LMNA: variants seen among roughly 807,000 people sequenced by gnomAD.
The protein encoded by LMNA is lamin.
In LMNA, 20 loss-of-function variants were observed where a neutral mutation model predicts 70.4. The observed-to-expected ratio is 0.28, with a 90% CI of 0.20 to 0.41. The LOEUF (loss-of-function observed/expected upper bound fraction) is 0.41, where lower values mean the gene tolerates loss of function less well. LMNA is among the 10% of genes least tolerant of loss of function. The pLI, the probability that LMNA is intolerant of heterozygous loss-of-function variation, is 1.00. For missense variants in LMNA, 652 were observed against 917.2 expected, an observed-to-expected ratio of 0.71 and a Z score of 3.73; for synonymous variants, 339 against 372.8, an observed-to-expected ratio of 0.91 and a Z score of 1.04.
chr1:156,135,135 G>A lies in LMNA; in HGVS notation c.811-52G>A. On this transcript the variant is annotated intron_variant, in intron 4 of 11. Coordinates refer to ENST00000368300, the MANE Select transcript of LMNA (RefSeq NM_170707.4). The surrounding 1 kb of genome is among the most constrained non-coding windows in gnomAD (Gnocchi z 4.8). The stretch of plus-strand genomic sequence containing the variant: ...GCAGTGATGCCCAACTCAGGCCTGT[G>A]CCTCCACCCCTCCCAGTCACCACAG... 1.2e-6 allele frequency: 2 copies of A among 1,613,652 alleles called. No homozygotes were observed. The highest frequency in any genetic ancestry group is 2.2e-5 in the East Asian group (1 of 44,890).
At chr1:156,109,990 G>A (rs2102809178), upstream of LMNA, among the ~76,000 whole-genome samples, 1 of 152,012 alleles carries the variant, frequency 6.6e-6, no homozygotes, top group Non-Finnish European at 1.5e-5. Context: ...TGGGACTAGA[G>A]GCATGTGCCA....
chr1:156,096,050 T>C (rs1648925403), intron 3 of LMNA, among the ~76,000 whole-genome samples: 1 of 152,210 alleles, frequency 6.6e-6, no homozygotes, highest in South Asian at 2.1e-4. Context: ...GAGTCTAGTC[T>C]CAGCTTTTAT....
chr1:156,138,574 C>T lies in LMNA; in HGVS notation c.1785C>T (p.Ala595=), dbSNP rs748139390. The T allele has an allele frequency of 1.1e-5, 17 of 1,612,680 alleles. No individual in the cohort carries two copies. The highest frequency in any genetic ancestry group is 1.6e-4 in the Middle Eastern group (1 of 6,062). Residue 595 remains alanine (A), a synonymous_variant, in exon 11 of 12, where the codon GCC becomes GCT. Coordinates refer to ENST00000368300, the MANE Select transcript of LMNA (RefSeq NM_170707.4). This position sits in a 1 kb window ranked among gnomAD's most constrained non-coding sequence, Gnocchi z 5.5. ...TGTGCGGGACCTGCGGGCAGCCTGC[C>T]GACAAGGCATCTGCCAGCGGCTCAG... ...TVLCGTCGQP[A]DKASASGSGA...
intron 1 of LMNA, among the ~76,000 whole-genome samples, chr1:156,116,987 C>T (rs1202861649): frequency 4.6e-5 from 7 of 151,880 alleles, no homozygotes; most frequent in Non-Finnish European, 8.8e-5. Context: ...GATCTTGGCT[C>T]ACCACAACCT....
chr1:156,120,082 C>T (rs501791), intron 1 of LMNA, among the ~76,000 whole-genome samples: 22,762 of 152,152 alleles, frequency 0.15, 3,714 homozygotes, highest in African/African-American at 0.41. Flanking sequence ...AGAAGCGCTA[C>T]TTCCACTCCA....
At chr1:156,126,990 TTCCCACCCTTCCCAGCTCCTCTGGCCTG>T in intron 1 of LMNA, 1 of 1,386,506 alleles carries the variant, frequency 7.2e-7, no homozygotes, top group Non-Finnish European at 9.7e-7. Context: ...GGGGCCCAGG[TTCCCACCCTTCCCAGCTCCTCTGGCCTG>T]CCCCACCCTG....
chr1:156,117,079 A>AT (rs150049994), intron 1 of LMNA, among the ~76,000 whole-genome samples: 5,339 of 112,530 alleles, frequency 0.047, 165 homozygotes, highest in African/African-American at 0.1. Flanking sequence ...ACACATGGCT[A>AT]TTTTTTTTTT....
chr1:156,109,988 G>C (rs964144144), upstream of LMNA, among the ~76,000 whole-genome samples: 6 of 151,834 alleles, frequency 4.0e-5, no homozygotes, highest in Admixed American at 1.3e-4. Context: ...GCTGGGACTA[G>C]AGGCATGTGC....
upstream of LMNA, among the ~76,000 whole-genome samples, chr1:156,109,951 G>A (rs1041145073): frequency 1.3e-5 from 2 of 151,824 alleles, no homozygotes; most frequent in African/African-American, 4.8e-5. Context: ...AAGCTCAGGT[G>A]ATCCTCCCAT....
At chr1:156,116,948 C>CT (rs1649865587) in intron 1 of LMNA, among the ~76,000 whole-genome samples, 1 of 151,700 alleles carries the variant, frequency 6.6e-6, no homozygotes, top group Non-Finnish European at 1.5e-5. Context: ...GGGTCTTACT[C>CT]TGTCACCCAG....
intron 3 of LMNA, among the ~76,000 whole-genome samples, chr1:156,097,502 C>T (rs1345010732): frequency 6.6e-6 from 1 of 152,248 alleles, no homozygotes; most frequent in Non-Finnish European, 1.5e-5. Flanking sequence ...CACAACAGTC[C>T]TATGGAATTA....
chr1:156,086,565 G>C (rs1648484932), intron 2 of LMNA, among the ~76,000 whole-genome samples: 1 of 152,222 alleles, frequency 6.6e-6, no homozygotes, highest in South Asian at 2.1e-4. Context: ...CAGGATTCTT[G>C]TGGAGGTTGG....
Position 156,101,032 on chromosome 1 carries a change from T to G in LMNA, c.-207+10450T>G, listed in dbSNP as rs1649122300. Among the ~76,000 whole-genome samples the G allele has an allele frequency of 2.0e-5, 3 of 151,188 alleles. No individual in the cohort carries two copies. The South Asian group carries it at 6.3e-4, about 32-fold the overall frequency. On this transcript the variant is annotated intron_variant, in intron 3 of 12. Coordinates refer to the LMNA transcript ENST00000368301. Reference sequence around the variant, plus strand: ...ATTAGTCAGAAAGCAATGAGAGAGGTTGAGATTGCTGGAATTTAGATAAGG... The same window carrying G: ...ATTAGTCAGAAAGCAATGAGAGAGGGTGAGATTGCTGGAATTTAGATAAGG...
chr1:156,101,106 T>A (rs573914632), intron 3 of LMNA, among the ~76,000 whole-genome samples: 87 of 152,192 alleles, frequency 5.7e-4, no homozygotes, highest in Non-Finnish European at 1.5e-5. Flanking sequence ...ACAAGTCAGG[T>A]CAAGGAATTT....
chr1:156,139,714 G>A lies in LMNA; in HGVS notation c.*608G>A. On this transcript the variant is annotated 3_prime_UTR_variant, in exon 12 of 12. Transcript: ENST00000368300. ...GTCCCCACCCCTGCCCCCAGCCCCGGGGTGAGTCCATTCTCCCAGGTACCA... is the reference window on the plus strand; with the variant it reads ...GTCCCCACCCCTGCCCCCAGCCCCGAGGTGAGTCCATTCTCCCAGGTACCA... 6.5e-7 allele frequency: 1 copy of A among 1,530,024 alleles called. No individual in the cohort carries two copies. The highest frequency in any genetic ancestry group is 8.7e-7 in the Non-Finnish European group (1 of 1,144,612). 94.8% of individuals were successfully genotyped at this position (1,530,024 alleles called of 1,614,324 possible). A position where few individuals can be genotyped will look rare whatever the true frequency, so the allele number is the denominator to read the frequency against.
intron 3 of LMNA, among the ~76,000 whole-genome samples, chr1:156,106,090 G>A (rs1417484271): frequency 6.6e-6 from 1 of 151,518 alleles, no homozygotes; most frequent in African/African-American, 2.4e-5. Flanking sequence ...AGCCGAGATC[G>A]CGCCACTACA....
At position 156,114,928 on chromosome 1, in the gene LMNA, C is replaced by T. The variant is rs1477323839; in HGVS notation, c.10C>T (p.Pro4Ser). 1 of 1,557,040 alleles carries T rather than the reference C, an allele frequency of 6.4e-7. No homozygotes were observed. The highest frequency in any genetic ancestry group is 8.7e-7 in the Non-Finnish European group (1 of 1,150,506). ...TGCCAACCTGCCGGCCATGGAGACC[C>T]CGTCCCAGCGGCGCGCCACCCGCAG... Reference protein sequence around the residue: METPSQRRATRSGA... With the variant: METSSQRRATRSGA... The change falls in exon 1 of 12, where the codon CCG becomes TCG. Residue 4 changes from proline (P) to serine (S), a missense_variant. By Grantham distance (74) the Pro-to-Ser change is moderately conservative. Coordinates refer to ENST00000368300, the MANE Select transcript of LMNA (RefSeq NM_170707.4).
rs947366975 is a variant in LMNA at position 156,137,686 on chromosome 1, G to T, written c.1641G>T (p.Val547=). Residue 547 remains valine, a synonymous_variant, in exon 10 of 12, where the codon GTG becomes GTT. Transcript: ENST00000368300. The surrounding 1 kb of genome is among the most constrained non-coding windows in gnomAD (Gnocchi z 4.6). ...EVAMRKLVRS[V]TVVEDDEDED... is the part of the protein sequence containing the mutation. Reference sequence around the variant, plus strand: ...CCATGCGCAAGCTGGTGCGCTCAGTGACTGTGGTTGAGGACGACGAGGATG... The same window carrying T: ...CCATGCGCAAGCTGGTGCGCTCAGTTACTGTGGTTGAGGACGACGAGGATG... 1.9e-6 allele frequency: 3 copies of T among 1,556,138 alleles called. No homozygotes were observed. The highest frequency in any genetic ancestry group is 3.9e-5 in the Admixed American group (2 of 51,146).
In LMNA at chr1:156,084,264, T is replaced by G. The variant is rs142243390; in HGVS notation, c.-319+1080T>G. 1.6e-4 allele frequency among the ~76,000 whole-genome samples: 23 copies of G among 145,426 alleles called. 1 individual carries two copies. The East Asian group carries it at 4.5e-3, about 28-fold the overall frequency. On this transcript the variant is annotated intron_variant, in intron 2 of 12. Coordinates refer to the LMNA transcript ENST00000368301. ...TTAGTCCAGTTCCCTAAACTGTTTC[T>G]TGGAAAGAGTGAATTTGCACACTAA... is the stretch of plus-strand genomic sequence containing the variant.
Sources: allele counts gnomAD v4.1 joint callset (sites outside exome capture counted in the v4.1 genomes callset), GRCh38; gene constraint gnomAD v4.1.1; non-coding constraint Gnocchi (gnomAD v3.1); transcripts MANE v1.5; gene names NCBI Gene and HGNC (gene_info 2026-07-23, HGNC 2026-07-21).